MTUS2: variants seen among roughly 807,000 people sequenced by gnomAD.
MTUS2 encodes the protein microtubule-associated tumor suppressor candidate 2.
Under a neutral mutation model 114.1 loss-of-function variants are expected in MTUS2, and 40 were observed. The ratio of observed to expected loss-of-function variants is 0.35; its 90% CI spans 0.27 to 0.46. MTUS2 has a LOEUF of 0.46. MTUS2 is among the 20% of genes least tolerant of loss of function. MTUS2 has a pLI of 1.00. For synonymous variants in MTUS2, 688 were observed against 672.0 expected, an observed-to-expected ratio of 1.02 and a Z score of -0.37; for missense variants, 1,679 against 1,705.4, an observed-to-expected ratio of 0.98 and a Z score of 0.27.
intron 8 of MTUS2, among the ~76,000 whole-genome samples, chr13:29,433,895 C>A (rs1004332597): frequency 6.6e-6 from 1 of 152,102 alleles, no homozygotes; most frequent in Non-Finnish European, 1.5e-5. Context: ...TTTAAATTCA[C>A]AATTTTAAAA....
intron 5 of MTUS2, among the ~76,000 whole-genome samples, chr13:29,130,824 G>C (rs1593509482): frequency 6.6e-6 from 1 of 151,934 alleles, no homozygotes; most frequent in African/African-American, 2.4e-5. Context: ...CGGGGTTTCA[G>C]CATGTTGGCC....
chr13:29,170,657 C>T (rs1893518417), intron 5 of MTUS2, among the ~76,000 whole-genome samples: 1 of 152,166 alleles, frequency 6.6e-6, no homozygotes. Flanking sequence ...AAAGGTCTCC[C>T]AAATGGGGCG....
chr13:29,450,555 C>G (rs939243468), intron 9 of MTUS2, among the ~76,000 whole-genome samples: 19 of 152,076 alleles, frequency 1.2e-4, no homozygotes, highest in Non-Finnish European at 2.1e-4. Context: ...GAAAAAATAA[C>G]GAACCTTGGG....
At chr13:29,330,436 T>G (rs1900721781) in intron 7 of MTUS2, among the ~76,000 whole-genome samples, 2 of 152,232 alleles carry the variant, frequency 1.3e-5, no homozygotes, top group East Asian at 3.8e-4. Context: ...GATCTTTAGT[T>G]TAATTAGACC....
At chr13:29,050,995 T>G (rs536435423) in intron 4 of MTUS2, among the ~76,000 whole-genome samples, 1 of 152,130 alleles carries the variant, frequency 6.6e-6, no homozygotes, top group African/African-American at 2.4e-5. Context: ...CAGGCCCGGG[T>G]TAGAAGTTTG....
At chr13:29,448,677 A>G (rs4512950) in intron 9 of MTUS2, among the ~76,000 whole-genome samples, 122,703 of 150,420 alleles carry the variant, frequency 0.82, 53,121 homozygotes, top group East Asian at 1. Flanking sequence ...CAGATTTAAG[A>G]TGGACTTTAC....
In MTUS2 at chr13:29,503,699, C is replaced by T. The variant is rs1021556674; in HGVS notation, c.*493C>T. The T allele has an allele frequency of 4.3e-6, 1 of 231,526 alleles. No individual in the cohort carries two copies. The highest frequency in any genetic ancestry group is 2.2e-5 in the African/African-American group (1 of 44,736). The allele number at this position is 231,526 out of a possible 1,614,324, so 14.3% of individuals were successfully genotyped here. A position where few individuals can be genotyped will look rare whatever the true frequency, so the allele number is the denominator to read the frequency against. The stretch of plus-strand genomic sequence containing the variant: ...ATTATTGGGAAATGAAAATGCATTT[C>T]TATCTAGCTTCCCAGGAATATTTCT... On this transcript the variant is annotated 3_prime_UTR_variant, in exon 16 of 16. Coordinates refer to ENST00000612955, the MANE Select transcript of MTUS2 (RefSeq NM_001033602.4).
intron 4 of MTUS2, among the ~76,000 whole-genome samples, chr13:29,081,717 T>C (rs1593455568): frequency 6.6e-6 from 1 of 151,992 alleles, no homozygotes; most frequent in African/African-American, 2.4e-5. Flanking sequence ...TGACTTTAAT[T>C]TATATTTTGG....
chr13:28,892,293 G>A (rs1370188916), intron 2 of MTUS2, among the ~76,000 whole-genome samples: 1 of 152,108 alleles, frequency 6.6e-6, no homozygotes, highest in South Asian at 2.1e-4. Flanking sequence ...TATGGGTGAG[G>A]TATAGGAAGG....
intron 6 of MTUS2, among the ~76,000 whole-genome samples, chr13:29,321,568 G>C (rs143368230): frequency 6.6e-6 from 1 of 152,130 alleles, no homozygotes; most frequent in Non-Finnish European, 1.5e-5. Context: ...TAAAACTTTC[G>C]ATTTGAGTTA....
intron 5 of MTUS2, among the ~76,000 whole-genome samples, chr13:29,147,921 G>T (rs966109386): frequency 2.0e-5 from 3 of 152,046 alleles, no homozygotes; most frequent in African/African-American, 7.2e-5. Context: ...TCTCTTTTTG[G>T]CCAAATGAAT....
intron 2 of MTUS2, among the ~76,000 whole-genome samples, chr13:28,866,157 C>T (rs973040181): frequency 1.3e-5 from 2 of 152,110 alleles, no homozygotes; most frequent in Non-Finnish European, 2.9e-5. Context: ...GGTGTTTGCT[C>T]TATGCATGGG....
chr13:29,376,576 G>T (rs921688985), intron 8 of MTUS2, among the ~76,000 whole-genome samples: 2 of 142,776 alleles, frequency 1.4e-5, no homozygotes, highest in South Asian at 2.1e-4. Flanking sequence ...TACATTAAAT[G>T]TAATGTAATG....
At chr13:28,975,731 A>C (rs761773788) in intron 2 of MTUS2, among the ~76,000 whole-genome samples, 7 of 152,090 alleles carry the variant, frequency 4.6e-5, no homozygotes, top group Non-Finnish European at 1.0e-4. Context: ...TTTATCCCTA[A>C]TTTTTGTGGT....
chr13:28,943,886 T>G (rs1441474113), intron 2 of MTUS2, among the ~76,000 whole-genome samples: 2 of 152,176 alleles, frequency 1.3e-5, no homozygotes, highest in East Asian at 3.8e-4. Context: ...TATCCATTAC[T>G]TGCTTACCTC....
At chr13:29,420,690 G>C (rs910149119) in intron 8 of MTUS2, among the ~76,000 whole-genome samples, 8 of 152,158 alleles carry the variant, frequency 5.3e-5, no homozygotes, top group Non-Finnish European at 8.8e-5. Flanking sequence ...ATGCACTTGG[G>C]GTCTCTGCCA....
intron 2 of MTUS2, among the ~76,000 whole-genome samples, chr13:28,954,855 C>A (rs661732): frequency 2.6e-5 from 4 of 151,776 alleles, no homozygotes; most frequent in South Asian, 4.1e-4. Flanking sequence ...AAGGTCACTT[C>A]GAGGGGTGGT....
chr13:29,109,619 TA>T (rs772472491), intron 5 of MTUS2, among the ~76,000 whole-genome samples: 2 of 152,142 alleles, frequency 1.3e-5, no homozygotes, highest in Non-Finnish European at 2.9e-5. Flanking sequence ...AAAATAATAA[TA>T]ATATTAATAA....
At chr13:29,441,703 A>G (rs1391571713) in intron 9 of MTUS2, among the ~76,000 whole-genome samples, 2 of 151,528 alleles carry the variant, frequency 1.3e-5, no homozygotes, top group African/African-American at 4.9e-5. Context: ...CTAAGGAAGG[A>G]CTCACCACCC....
Sources: gnomAD v4.1 joint callset for allele counts (sites outside exome capture counted in the v4.1 genomes callset) on GRCh38, gnomAD v4.1.1 for gene constraint, MANE v1.5 for transcripts, NCBI Gene and HGNC (gene_info 2026-07-23, HGNC 2026-07-21) for gene names.